The following CEP89 variants were observed in gnomAD, a reference collection of about 807,000 sequenced individuals.
CEP89 encodes centrosomal protein 89, also known as centrosomal protein of 89 kDa.
A neutral mutation model predicts 97.6 loss-of-function variants in CEP89; 95 were observed. That is an observed-to-expected ratio of 0.97 (90% CI 0.82 to 1.15). The LOEUF is 1.15. Ranked by LOEUF, CEP89 falls within the 50% of genes most tolerant of loss-of-function variation. CEP89 has a pLI of 0.00. For synonymous variants in CEP89, 354 were observed against 349.1 expected, an observed-to-expected ratio of 1.01 and a Z score of -0.16; for missense variants, 869 against 947.7, an observed-to-expected ratio of 0.92 and a Z score of 1.09.
intron 16 of CEP89, 22 bp downstream of exon 16, chr19:32,899,835 A>C (rs1201799429): frequency 6.2e-7 from 1 of 1,601,310 alleles, no homozygotes; most frequent in South Asian, 1.1e-5. Context: ...AGTTTACTTG[A>C]TGTAACCTTC....
chr19:32,884,861 CTCTAAT>C (rs1969360505), intron 17 of CEP89, among the ~76,000 whole-genome samples: 1 of 149,710 alleles, frequency 6.7e-6, no homozygotes, highest in African/African-American at 2.6e-5. Context: ...CTCTGCCCAG[CTCTAAT>C]TCCACTATTT....
chr19:32,914,390 G>A (rs1447234898), intron 14 of CEP89, among the ~76,000 whole-genome samples: 1 of 151,954 alleles, frequency 6.6e-6, no homozygotes, highest in African/African-American at 2.4e-5. Context: ...CTCCCATGTA[G>A]CTGGGACCAC....
chr19:32,891,839 C>CAG (rs775484068), intron 16 of CEP89, among the ~76,000 whole-genome samples: 39 of 143,240 alleles, frequency 2.7e-4, no homozygotes, highest in Non-Finnish European at 1.7e-4. Context: ...GAGAGAGAAA[C>CAG]AGAGAGAGAG....
In CEP89 at chr19:32,936,788, C is replaced by T. The variant is rs1437917241; in HGVS notation, c.667+843G>A. On this transcript the variant is annotated intron_variant, in intron 7 of 18. Coordinates refer to ENST00000305768, the MANE Select transcript of CEP89 (RefSeq NM_032816.5). This position sits in a 1 kb window ranked among gnomAD's most constrained non-coding sequence, Gnocchi z 4.5. ...ATAACCAGCTGCAGAGAAGAACAAC[C>T]CTCTCCAGGGCTTCCTCTTTGCTGA... Among the ~76,000 whole-genome samples the T allele has an allele frequency of 6.6e-6, 1 of 152,066 alleles. No homozygotes were observed. The highest frequency in any genetic ancestry group is 1.5e-5 in the Non-Finnish European group (1 of 68,016).
chr19:32,926,294 A>G, intron 10 of CEP89, 21 bp from the exon 11 acceptor site: 1 of 1,549,186 alleles, frequency 6.5e-7, no homozygotes, highest in Non-Finnish European at 8.9e-7. Context: ...AGAGTAAAGG[A>G]AGGTTAATAT....
rs1970587720 is a variant in CEP89 at position 32,936,702 on chromosome 19, G to A, written c.667+929C>T. The stretch of plus-strand genomic sequence containing the variant: ...CTGCTGATAGCTGGAGATGTCAGAG[G>A]ACCAGCAGCAGAGAGGAGCAACCCA... On this transcript the variant is annotated intron_variant, in intron 7 of 18. Coordinates refer to ENST00000305768, the MANE Select transcript of CEP89 (RefSeq NM_032816.5). This position sits in a 1 kb window ranked among gnomAD's most constrained non-coding sequence, Gnocchi z 4.5. Among the ~76,000 whole-genome samples the A allele has an allele frequency of 6.6e-6, 1 of 152,108 alleles. No homozygotes were observed. The highest frequency in any genetic ancestry group is 2.4e-5 in the African/African-American group (1 of 41,432).
chr19:32,919,576 G>T (rs373247704), intron 12 of CEP89, among the ~76,000 whole-genome samples: 1 of 152,192 alleles, frequency 6.6e-6, no homozygotes, highest in African/African-American at 2.4e-5. Context: ...CTGCCATGCT[G>T]TTGGGAGGGG....
chr19:32,927,132 C>CCACCTACCCATCCATCCATCCATT lies in CEP89; in HGVS notation c.1030-149_1030-148insAATGGATGGATGGATGGGTAGGTG, dbSNP rs1294140909. The CCACCTACCCATCCATCCATCCATT allele has an allele frequency of 4.3e-5, 7 of 163,250 alleles. No individual in the cohort carries two copies. The African/African-American group carries it at 6.8e-4, about 16-fold the overall frequency. The allele number at this position is 163,250 out of a possible 1,614,324, so 10.1% of individuals were successfully genotyped here. A position where few individuals can be genotyped will look rare whatever the true frequency, so the allele number is the denominator to read the frequency against. ...CCTACCCACCCACCTACCCACCTAC[C>CCACCTACCCATCCATCCATCCATT]CATCCATCCATCCATCCATCCATCC... On this transcript the variant is annotated intron_variant, in intron 9 of 18. Coordinates refer to ENST00000305768, the MANE Select transcript of CEP89 (RefSeq NM_032816.5).
rs766858182 is a variant in CEP89 at position 32,918,235 on chromosome 19, C to T, written c.1373G>A (p.Arg458His). ...QRKAKDSHQERLQEVSKLTKQ... is the reference protein window; with the variant it reads ...QRKAKDSHQEHLQEVSKLTKQ... The stretch of plus-strand genomic sequence containing the variant: ...TGGAAGGACCTCACCTTCTTGGAGG[C>T]GCTCCTGGTGGCTGTCCTTGGCTTT... Residue 458 changes from arginine (R) to histidine (H), a missense_variant, in exon 13 of 19, where the codon CGC (arginine) becomes CAC (histidine). By Grantham distance (29) the Arg-to-His change is conservative. Coordinates refer to ENST00000305768, the MANE Select transcript of CEP89 (RefSeq NM_032816.5). 9 of 1,613,218 alleles carry T rather than the reference C, an allele frequency of 5.6e-6. No homozygotes were observed. Among genetic ancestry groups the T allele is most frequent in the Non-Finnish European group, 7.6e-6 (9 of 1,179,164 alleles).
Position 32,878,175 on chromosome 19 carries a change from C to G in CEP89, c.*987G>C, listed in dbSNP as rs892357225. The G allele has an allele frequency of 6.6e-6, 1 of 152,234 alleles. No individual in the cohort carries two copies. The highest frequency in any genetic ancestry group is 2.4e-5 in the African/African-American group (1 of 41,410). 9.4% of individuals were successfully genotyped at this position (152,234 alleles called of 1,614,324 possible). On this transcript the variant is annotated 3_prime_UTR_variant, in exon 19 of 19. Coordinates refer to ENST00000305768, the MANE Select transcript of CEP89 (RefSeq NM_032816.5). ...GGCTGGGATGGGAGGATCGCTTGAG[C>G]CTGGAGGTCAAGGCTGTGGTGATTG...
intron 13 of CEP89, 43 bp from the exon 14 acceptor site, chr19:32,915,560 C>A (rs1193073644): frequency 6.6e-7 from 1 of 1,522,966 alleles, no homozygotes. Flanking sequence ...CACAGAAGAC[C>A]TCACAAAACA....
chr19:32,877,878 C>G lies in CEP89; in HGVS notation c.*1284G>C, dbSNP rs1969201034. The G allele has an allele frequency of 6.6e-6, 1 of 152,306 alleles. No individual in the cohort carries two copies. Among genetic ancestry groups the G allele is most frequent in the Non-Finnish European group, 1.5e-5 (1 of 68,086 alleles). 9.4% of individuals were successfully genotyped at this position (152,306 alleles called of 1,614,324 possible). ...CACTGCAACCTCCGCCTTCCAGGTTCAAGCAATTCTCCTGCCTCAGCCTCC... is the reference window on the plus strand; with the variant it reads ...CACTGCAACCTCCGCCTTCCAGGTTGAAGCAATTCTCCTGCCTCAGCCTCC... On this transcript the variant is annotated 3_prime_UTR_variant, in exon 19 of 19. Transcript: ENST00000305768.
chr19:32,931,775 C>T lies in CEP89; in HGVS notation c.887-204G>A, dbSNP rs569424510. ...ACGTTTTTTAACACTGAATAGTTAA[C>T]GTTATATTGAAAGTTTGTGGAAGTT... On this transcript the variant is annotated intron_variant, in intron 8 of 18. Coordinates refer to ENST00000305768, the MANE Select transcript of CEP89 (RefSeq NM_032816.5). Among the ~76,000 whole-genome samples, 434 of 151,958 alleles carry T rather than the reference C, an allele frequency of 2.9e-3. 2 individuals carry two copies. Among genetic ancestry groups the T allele is most frequent in the African/African-American group, 0.01 (417 of 41,458 alleles).
chr19:32,899,806 C>T, intron 16 of CEP89, 51 bp downstream of exon 16: 1 of 1,536,562 alleles, frequency 6.5e-7, no homozygotes, highest in Non-Finnish European at 8.9e-7. Flanking sequence ...CTTAAAATCA[C>T]ATTTGCATAT....
intron 2 of CEP89, among the ~76,000 whole-genome samples, chr19:32,964,957 G>A (rs1341131652): frequency 1.8e-4 from 28 of 152,168 alleles, no homozygotes; most frequent in Admixed American, 1.8e-3. Context: ...TCAGGCTGCA[G>A]TGCAGTGACA....
intron 1 of CEP89, chr19:32,969,210 T>TC (rs1328901152): frequency 2.0e-5 from 3 of 152,282 alleles, no homozygotes; most frequent in African/African-American, 4.8e-5. Flanking sequence ...AGGGTACTGC[T>TC]CTCTGCAGCT....
At position 32,902,475 on chromosome 19, in the gene CEP89, T is replaced by G. The variant is rs183704063; in HGVS notation, c.1566-1063A>C. ...GAAGAATGTTGAAAATACCAAGACT[T>G]CTGCTTTCAGCCAAGATAGAGTTAC... is the stretch of plus-strand genomic sequence containing the variant. On this transcript the variant is annotated intron_variant, in intron 14 of 18. Transcript: ENST00000305768. Among the ~76,000 whole-genome samples, 526 of 152,328 alleles carry G rather than the reference T, an allele frequency of 3.5e-3. 1 individual carries two copies. The highest frequency in any genetic ancestry group is 0.012 in the African/African-American group (490 of 41,572).
At chr19:32,927,224 A>T (rs1970379531) in intron 9 of CEP89, among the ~76,000 whole-genome samples, 1 of 152,000 alleles carries the variant, frequency 6.6e-6, no homozygotes, top group African/African-American at 2.4e-5. Context: ...ATCTATCTAT[A>T]TGTATATATG....
At chr19:32,935,893 T>C (rs963622907) in intron 7 of CEP89, among the ~76,000 whole-genome samples, 1 of 152,136 alleles carries the variant, frequency 6.6e-6, no homozygotes, top group Admixed American at 6.5e-5. Flanking sequence ...CTGATCCCAC[T>C]GCCTGGCTTC....
Sources: gnomAD v4.1 joint callset for allele counts (sites outside exome capture counted in the v4.1 genomes callset) on GRCh38, gnomAD v4.1.1 for gene constraint, Gnocchi (gnomAD v3.1) non-coding constraint, MANE v1.5 for transcripts, NCBI Gene and HGNC (gene_info 2026-07-23, HGNC 2026-07-21) for gene names.